Variants in RANBP17 observed in about 807,000 individuals in gnomAD.
RANBP17 encodes ran-binding protein 17.
In RANBP17, 158 loss-of-function variants were observed where a neutral mutation model predicts 141.2. The ratio of observed to expected loss-of-function variants is 1.12; its 90% CI spans 0.98 to 1.28. The LOEUF is 1.28. RANBP17 is among the 50% of genes most tolerant of loss of function. The pLI is 0.00. For missense variants in RANBP17, 1,438 were observed against 1,290.7 expected, an observed-to-expected ratio of 1.11 and a Z score of -1.75; for synonymous variants, 430 against 450.0, an observed-to-expected ratio of 0.96 and a Z score of 0.56.
rs1157888039 is a variant in RANBP17 at position 171,211,462 on chromosome 5, A to G, written c.2232-2169A>G. Among the ~76,000 whole-genome samples the G allele has an allele frequency of 2.0e-5, 3 of 151,946 alleles. 1 individual carries two copies. The highest frequency in any genetic ancestry group is 4.1e-4 in the South Asian group (2 of 4,824). ...TTTTTAGTAGAGACAGGGTTTCACC[A>G]TGTTGCCCAGGCTGGTCTCGAACCC... On this transcript the variant is annotated intron_variant, in intron 20 of 27. Transcript: ENST00000523189.
intron 22 of RANBP17, among the ~76,000 whole-genome samples, chr5:171,238,078 G>A (rs549099871): frequency 6.6e-6 from 1 of 152,252 alleles, no homozygotes; most frequent in South Asian, 2.1e-4. Flanking sequence ...GAATGCTGAG[G>A]CACTTGAGCA....
At chr5:171,089,727 T>C (rs1786068008) in intron 14 of RANBP17, among the ~76,000 whole-genome samples, 1 of 152,138 alleles carries the variant, frequency 6.6e-6, no homozygotes, top group South Asian at 2.1e-4. Flanking sequence ...ATTTTCCAGG[T>C]GCGTTCGTCA....
At chr5:171,254,614 CT>C (rs1765773583) in intron 24 of RANBP17, among the ~76,000 whole-genome samples, 1 of 152,076 alleles carries the variant, frequency 6.6e-6, no homozygotes, top group African/African-American at 2.4e-5. Flanking sequence ...AGACTTTATT[CT>C]GTTGGGGGTT....
At chr5:171,157,889 T>C (rs1759018031) in intron 14 of RANBP17, among the ~76,000 whole-genome samples, 1 of 152,230 alleles carries the variant, frequency 6.6e-6, no homozygotes, top group African/African-American at 2.4e-5. Context: ...ACAGATAGTT[T>C]GGATGAAGCA....
At chr5:171,186,196 G>A (rs1054451048) in intron 18 of RANBP17, among the ~76,000 whole-genome samples, 1 of 152,208 alleles carries the variant, frequency 6.6e-6, no homozygotes, top group African/African-American at 2.4e-5. Flanking sequence ...CCTCTCCTCT[G>A]TAGCTATGAA....
intron 5 of RANBP17, chr5:170,896,875 C>T (rs1770171994): frequency 3.8e-6 from 2 of 533,270 alleles, no homozygotes; most frequent in South Asian, 3.8e-5. Flanking sequence ...GGTTGCAGGC[C>T]CAATGCAGAG....
chr5:171,011,320 C>G (rs1780018487), intron 14 of RANBP17, among the ~76,000 whole-genome samples: 1 of 151,962 alleles, frequency 6.6e-6, no homozygotes, highest in Non-Finnish European at 1.5e-5. Context: ...TCAGAAATGA[C>G]CAGGTATCAT....
rs371699885 is a variant in RANBP17, at chr5:171,040,914, C to T, written c.1710+72537C>T. 7.2e-5 allele frequency among the ~76,000 whole-genome samples: 11 copies of T among 152,228 alleles called. No homozygotes were observed. In the East Asian group the frequency reaches 2.1e-3, roughly 29 times the overall value. ...CAGACTTCCTGAGGCACAGGAATTT[C>T]GGAATGGCTTAGCTGAGTAATTCTC... On this transcript the variant is annotated intron_variant, in intron 14 of 27. Transcript: ENST00000523189.
At chr5:171,252,673 A>T in intron 24 of RANBP17, 1 of 1,441,258 alleles carries the variant, frequency 6.9e-7, no homozygotes, top group Non-Finnish European at 9.8e-7. Flanking sequence ...TAGTCTATTT[A>T]ACACTTCAGG....
chr5:170,866,156 G>A (rs1034101509), intron 1 of RANBP17, among the ~76,000 whole-genome samples: 1 of 152,002 alleles, frequency 6.6e-6, no homozygotes, highest in Non-Finnish European at 1.5e-5. Flanking sequence ...CCAGCCCCCA[G>A]CCTACCACTA....
chr5:171,172,637 A>G lies in RANBP17; in HGVS notation c.1865+1351A>G, dbSNP rs146302898. 2.2e-3 allele frequency among the ~76,000 whole-genome samples: 335 copies of G among 151,942 alleles called. 11 individuals carry two copies. In the East Asian group the frequency reaches 0.056, roughly 25 times the overall value. ...TATTGCAAACTCTGGCCTTTTCACA[A>G]TGAATTACTTTGAAAGCATATTATC... On this transcript the variant is annotated intron_variant, in intron 16 of 27. Coordinates refer to ENST00000523189, the MANE Select transcript of RANBP17 (RefSeq NM_022897.5).
At chr5:170,994,726 C>G (rs1422026431) in intron 14 of RANBP17, among the ~76,000 whole-genome samples, 3 of 152,014 alleles carry the variant, frequency 2.0e-5, no homozygotes, top group Admixed American at 2.0e-4. Context: ...AGAAATCTGT[C>G]TATTAAGGTA....
At chr5:170,994,596 C>T (rs1277869080) in intron 14 of RANBP17, among the ~76,000 whole-genome samples, 5 of 151,842 alleles carry the variant, frequency 3.3e-5, no homozygotes, top group African/African-American at 7.2e-5. Context: ...AGATTCTATC[C>T]CAAGAAATGC....
chr5:170,983,201 C>A, intron 14 of RANBP17: 2 of 424,754 alleles, frequency 4.7e-6, no homozygotes, highest in Non-Finnish European at 8.8e-6. Context: ...AACAGCTGTG[C>A]CTCAGGCCTT....
rs1233889827 is a variant in RANBP17 at position 170,909,554 on chromosome 5, T to C, written c.490-107T>C. The C allele has an allele frequency of 9.8e-6, 6 of 612,630 alleles. No individual in the cohort carries two copies. The Admixed American group carries it at 1.6e-4, about 17-fold the overall frequency. 37.9% of individuals were successfully genotyped at this position (612,630 alleles called of 1,614,324 possible). ...CATTAAATTGAAACAGTCTAGAAAC[T>C]TGGGTTCTACTCAAGTTTATTTCCT... On this transcript the variant is annotated intron_variant, in intron 5 of 27. Transcript: ENST00000523189.
At chr5:170,975,701 T>C (rs1777316585) in intron 14 of RANBP17, among the ~76,000 whole-genome samples, 1 of 152,208 alleles carries the variant, frequency 6.6e-6, no homozygotes, top group Admixed American at 6.5e-5. Context: ...AGGCCCTCTC[T>C]CTTAAAACCA....
intron 14 of RANBP17, among the ~76,000 whole-genome samples, chr5:171,075,021 G>A (rs535993442): frequency 2.0e-5 from 3 of 152,176 alleles, no homozygotes; most frequent in African/African-American, 4.8e-5. Flanking sequence ...CATTTATGCC[G>A]GCGGCTGCAA....
At position 171,205,854 on chromosome 5, in the gene RANBP17, T is replaced by C. The variant is rs144935886; in HGVS notation, c.2231+242T>C. The C allele has an allele frequency of 9.3e-5, 54 of 581,100 alleles. 1 individual carries two copies. In the East Asian group the frequency reaches 1.7e-3, roughly 19 times the overall value. 36.0% of individuals were successfully genotyped at this position (581,100 alleles called of 1,614,324 possible). ...TAAATATTGATAACTTAAAAATGAC[T>C]TCCCCCAAATGATTGTTTATGTTGG... On this transcript the variant is annotated intron_variant, in intron 20 of 27. Transcript: ENST00000523189.
intron 18 of RANBP17, among the ~76,000 whole-genome samples, chr5:171,191,335 C>CTTTTTGATCT: frequency 6.6e-6 from 1 of 152,052 alleles, no homozygotes; most frequent in African/African-American, 2.4e-5. Flanking sequence ...GGCATTTATC[C>CTTTTTGATCT]TTTTTGATCC....
Sources: gnomAD v4.1 joint callset for allele counts (sites outside exome capture counted in the v4.1 genomes callset) on GRCh38, gnomAD v4.1.1 for gene constraint, MANE v1.5 for transcripts, NCBI Gene and HGNC (gene_info 2026-07-23, HGNC 2026-07-21) for gene names.